LGR5: variants seen among roughly 807,000 people sequenced by gnomAD.
LGR5 encodes the protein leucine-rich repeat-containing G protein-coupled receptor 5.
Under a neutral mutation model 76.7 loss-of-function variants are expected in LGR5, and 54 were observed. The observed-to-expected ratio is 0.70, with a 90% CI of 0.57 to 0.88. The LOEUF is 0.88. Among genes scored for constraint, LGR5 ranks in the 40% least tolerant of loss-of-function variants. The probability of loss-of-function intolerance (pLI) is 0.00; values close to 1 mark genes in which losing one functional copy is unlikely to be tolerated. For synonymous variants in LGR5, 406 were observed against 421.9 expected (o/e 0.96, Z 0.46); for missense variants, 1,078 against 1,073.3 (o/e 1.00, Z -0.06).
Position 71,580,384 on chromosome 12 carries a change from G to C in LGR5, c.1513G>C (p.Asp505His), listed in dbSNP as rs750963943. The C allele has an allele frequency of 2.5e-6, 4 of 1,613,714 alleles. No individual in the cohort carries two copies. The African/African-American group carries it at 5.3e-5, about 22-fold the overall frequency. Residue 505 changes from aspartate (D) to histidine (H), a missense_variant, in exon 16 of 18, where the codon GAC (aspartate) becomes CAC (histidine). Physicochemically the swap from Asp to His is moderately conservative, Grantham distance 81. Coordinates refer to ENST00000266674, the MANE Select transcript of LGR5 (RefSeq NM_003667.4). ...TAAAGGTGACAACAGCAGTATGGAC[G>C]ACCTTCATAAGAAAGATGCTGGAAT... ...WNKGDNSSMD[D>H]LHKKDAGMFQ...
intron 1 of LGR5, among the ~76,000 whole-genome samples, chr12:71,464,507 G>T (rs1872787811): frequency 6.6e-6 from 1 of 152,092 alleles, no homozygotes; most frequent in African/African-American, 2.4e-5. Flanking sequence ...TTCCGGAAGG[G>T]TTAAACACAA....
At chr12:71,463,605 A>G (rs1872754224) in intron 1 of LGR5, among the ~76,000 whole-genome samples, 1 of 152,194 alleles carries the variant, frequency 6.6e-6, no homozygotes, top group Non-Finnish European at 1.5e-5. Context: ...CATTATGATG[A>G]CAATGATGAT....
In LGR5 at chr12:71,584,963, A is replaced by C. The variant is rs572816819; in HGVS notation, c.*229A>C. 2.0e-5 allele frequency: 10 copies of C among 494,458 alleles called. No homozygotes were observed. Among genetic ancestry groups the C allele is most frequent in the African/African-American group, 1.5e-4 (8 of 52,150 alleles). 30.6% of individuals were successfully genotyped at this position (494,458 alleles called of 1,614,324 possible). Reference sequence around the variant, plus strand: ...TTCAGCTAAGGGATAGATCGATCACACTATTTAAGTGAGCCCAGATCAAAA... The same window carrying C: ...TTCAGCTAAGGGATAGATCGATCACCCTATTTAAGTGAGCCCAGATCAAAA... On this transcript the variant is annotated 3_prime_UTR_variant, in exon 18 of 18. Coordinates refer to ENST00000266674, the MANE Select transcript of LGR5 (RefSeq NM_003667.4).
At chr12:71,524,349 A>G (rs1875873861) in intron 2 of LGR5, 57 bp from the exon 3 acceptor site, 1 of 1,240,302 alleles carries the variant, frequency 8.1e-7, no homozygotes. Flanking sequence ...TAACAACTAA[A>G]TGACTTCCAC....
intron 1 of LGR5, among the ~76,000 whole-genome samples, chr12:71,493,899 G>A (rs1352705532): frequency 1.3e-5 from 2 of 149,412 alleles, no homozygotes; most frequent in African/African-American, 5.1e-5. Flanking sequence ...CTATCAAGTG[G>A]CTGGGACCAC....
At chr12:71,579,524 A>G (rs1367580047) in intron 15 of LGR5, among the ~76,000 whole-genome samples, 1 of 152,126 alleles carries the variant, frequency 6.6e-6, no homozygotes, top group African/African-American at 2.4e-5. Flanking sequence ...ATGGTTACAT[A>G]GTTGGTGTTT....
chr12:71,454,144 C>T (rs1362085182), intron 1 of LGR5, among the ~76,000 whole-genome samples: 2 of 152,048 alleles, frequency 1.3e-5, no homozygotes, highest in African/African-American at 4.8e-5. Flanking sequence ...ATGTTCTGTA[C>T]CCTTCTGCAA....
intron 3 of LGR5, among the ~76,000 whole-genome samples, chr12:71,532,954 G>A (rs1432546259): frequency 1.3e-5 from 2 of 152,168 alleles, no homozygotes; most frequent in African/African-American, 4.8e-5. Context: ...CTACTCTAAA[G>A]GCTGAGGCGG....
chr12:71,513,865 C>T (rs1854929814), intron 2 of LGR5, among the ~76,000 whole-genome samples: 1 of 152,180 alleles, frequency 6.6e-6, no homozygotes, highest in Admixed American at 6.5e-5. Flanking sequence ...GCAACTGAGG[C>T]AGTATGGCCA....
chr12:71,583,628 G>A lies in LGR5; in HGVS notation c.1637-19G>A. ...AACCCTAATTTGATACTCAATCTTT[G>A]CCTTCCTTGGACTTCTAGGCCCCTT... is the stretch of plus-strand genomic sequence containing the variant. On this transcript the variant is annotated intron_variant, in intron 17 of 17. Coordinates refer to ENST00000266674, the MANE Select transcript of LGR5 (RefSeq NM_003667.4). The A allele has an allele frequency of 6.3e-7, 1 of 1,582,538 alleles. No individual in the cohort carries two copies.
chr12:71,478,997 T>C (rs150788512), intron 1 of LGR5, among the ~76,000 whole-genome samples: 104 of 152,362 alleles, frequency 6.8e-4, no homozygotes, highest in Non-Finnish European at 1.2e-3. Flanking sequence ...AATAAGTTTA[T>C]GTGTCTGTGC....
chr12:71,550,426 C>T (rs1280601), intron 4 of LGR5, among the ~76,000 whole-genome samples: 10,030 of 148,734 alleles, frequency 0.067, 464 homozygotes, highest in Middle Eastern at 0.12. Flanking sequence ...AACCACTGCG[C>T]GCAGCCCAAG....
intron 15 of LGR5, 43 bp from the exon 16 acceptor site, chr12:71,580,235 C>A (rs146409119): frequency 2.0e-6 from 3 of 1,535,380 alleles, no homozygotes; most frequent in Admixed American, 2.0e-5. Flanking sequence ...TTTAATTATC[C>A]GTTTCTTTAA....
At chr12:71,520,508 A>G (rs948356707) in intron 2 of LGR5, among the ~76,000 whole-genome samples, 1 of 152,190 alleles carries the variant, frequency 6.6e-6, no homozygotes, top group African/African-American at 2.4e-5. Context: ...AATACATATA[A>G]TGCTACTGAA....
intron 1 of LGR5, among the ~76,000 whole-genome samples, chr12:71,503,190 G>T (rs1483012771): frequency 1.3e-5 from 2 of 152,140 alleles, no homozygotes; most frequent in African/African-American, 4.8e-5. Flanking sequence ...TGAACTTAAT[G>T]ACTGTGCTAT....
In LGR5 at chr12:71,563,849, A is replaced by AGTGTGTGT. The variant is rs147621030; in HGVS notation, c.857+2014_857+2021dup. Among the ~76,000 whole-genome samples the AGTGTGTGT allele has an allele frequency of 5.0e-3, 730 of 146,460 alleles. 20 individuals carry two copies. Among genetic ancestry groups the AGTGTGTGT allele is most frequent in the African/African-American group, 0.017 (677 of 38,734 alleles). Reference sequence around the variant, plus strand: ...CAAGCATGTATATTCATACCTGCCCAGTGTGTGTGTGTGTGTGTGTGTGTA... The same window carrying AGTGTGTGT: ...CAAGCATGTATATTCATACCTGCCCAGTGTGTGTGTGTGTGTGTGTGTGTGTGTGTGTA... On this transcript the variant is annotated intron_variant, in intron 8 of 17. Coordinates refer to ENST00000266674, the MANE Select transcript of LGR5 (RefSeq NM_003667.4).
chr12:71,470,886 C>A (rs977203735), intron 1 of LGR5, among the ~76,000 whole-genome samples: 2 of 152,186 alleles, frequency 1.3e-5, no homozygotes, highest in Non-Finnish European at 1.5e-5. Flanking sequence ...CTCAATGGAG[C>A]TTTTCTGCCC....
intron 1 of LGR5, among the ~76,000 whole-genome samples, chr12:71,451,646 C>A (rs556878366): frequency 1.3e-5 from 2 of 152,174 alleles, no homozygotes; most frequent in African/African-American, 4.8e-5. Context: ...GTGCTCACCA[C>A]ACTTGATCAC....
chr12:71,442,076 C>A (rs1592445829), intron 1 of LGR5, among the ~76,000 whole-genome samples: 2 of 152,274 alleles, frequency 1.3e-5, no homozygotes, highest in South Asian at 4.1e-4. Flanking sequence ...GTGTGCAGTA[C>A]CCCCAGACAC....
Sources: allele counts gnomAD v4.1 joint callset (sites outside exome capture counted in the v4.1 genomes callset), GRCh38; gene constraint gnomAD v4.1.1; transcripts MANE v1.5; gene names NCBI Gene and HGNC (gene_info 2026-07-23, HGNC 2026-07-21).